Variants in KSR2 observed in about 807,000 individuals in gnomAD.
KSR2 encodes the protein kinase suppressor of ras 2.
Under a neutral mutation model 107.8 loss-of-function variants are expected in KSR2, and 25 were observed. The ratio of observed to expected loss-of-function variants is 0.23; its 90% CI spans 0.17 to 0.32. KSR2 has a LOEUF of 0.32. Ranked by LOEUF, KSR2 falls within the 10% of genes least tolerant of loss-of-function variation. KSR2 has a pLI of 1.00. For missense variants in KSR2, 887 were observed against 1,268.9 expected (o/e 0.70, Z 4.57); for synonymous variants, 480 against 507.0 (o/e 0.95, Z 0.71).
intron 4 of KSR2, among the ~76,000 whole-genome samples, chr12:117,684,575 G>A (rs1283676852): frequency 6.6e-6 from 1 of 152,152 alleles, no homozygotes; most frequent in Non-Finnish European, 1.5e-5. Flanking sequence ...GGCATTTACT[G>A]TGTAGAGTGG....
chr12:117,911,803 G>A (rs566666708), intron 1 of KSR2, among the ~76,000 whole-genome samples: 19 of 147,420 alleles, frequency 1.3e-4, no homozygotes, highest in African/African-American at 4.0e-4. Flanking sequence ...ACTCTCAATC[G>A]CTACAGGCAT....
intron 7 of KSR2, among the ~76,000 whole-genome samples, chr12:117,572,728 A>G (rs1299349936): frequency 6.6e-6 from 1 of 151,956 alleles, no homozygotes; most frequent in Non-Finnish European, 1.5e-5. Flanking sequence ...AGAAAAGAAA[A>G]AGGAAAAAGC....
chr12:117,731,585 C>T (rs574413955), intron 4 of KSR2, among the ~76,000 whole-genome samples: 1 of 152,146 alleles, frequency 6.6e-6, no homozygotes, highest in East Asian at 1.9e-4. Flanking sequence ...GCGGTTTTGT[C>T]GAATAGAAAA....
At chr12:117,853,260 A>C (rs1892986942) in intron 3 of KSR2, among the ~76,000 whole-genome samples, 1 of 152,234 alleles carries the variant, frequency 6.6e-6, no homozygotes, top group South Asian at 2.1e-4. Flanking sequence ...AGATTGGTTG[A>C]ATAAATTGTT....
intron 5 of KSR2, among the ~76,000 whole-genome samples, chr12:117,606,195 C>T (rs1157761270): frequency 6.6e-6 from 1 of 152,098 alleles, no homozygotes; most frequent in Non-Finnish European, 1.5e-5. Context: ...CCCTGATATT[C>T]AAGCAGATAT....
intron 7 of KSR2, among the ~76,000 whole-genome samples, chr12:117,561,338 A>G (rs1165797813): frequency 6.6e-6 from 1 of 152,256 alleles, no homozygotes; most frequent in South Asian, 2.1e-4. Context: ...TAAAGACTGT[A>G]GGACACTGAA....
At chr12:117,826,666 A>G (rs1891763837) in intron 3 of KSR2, among the ~76,000 whole-genome samples, 1 of 151,618 alleles carries the variant, frequency 6.6e-6, no homozygotes, top group African/African-American at 2.4e-5. Flanking sequence ...AGATGCAGGT[A>G]TTAGCATTTA....
intron 1 of KSR2, among the ~76,000 whole-genome samples, chr12:117,950,981 T>G (rs1896348097): frequency 6.6e-6 from 1 of 151,866 alleles, no homozygotes; most frequent in African/African-American, 2.4e-5. Context: ...TGGCGCGATC[T>G]CGACTCACTG....
rs1555238943 is a variant in KSR2, at chr12:117,777,139, T to TATTATA, written c.473-15616_473-15615insTATAAT. On this transcript the variant is annotated intron_variant, in intron 3 of 19. Transcript: ENST00000339824. ...ACACACCATATATATATACACTATA[T>TATTATA]TATATATATATATATACACACCATA... is the stretch of plus-strand genomic sequence containing the variant. Among the ~76,000 whole-genome samples the TATTATA allele has an allele frequency of 9.4e-4, 129 of 136,742 alleles. 1 individual carries two copies. The highest frequency in any genetic ancestry group is 3.1e-3 in the African/African-American group (108 of 35,230). 89.7% of individuals were successfully genotyped at this position (136,742 alleles called of 152,430 possible).
chr12:117,583,570 G>T (rs960272634), intron 5 of KSR2, among the ~76,000 whole-genome samples: 10 of 152,136 alleles, frequency 6.6e-5, no homozygotes, highest in African/African-American at 2.2e-4. Context: ...TGAGATGCCT[G>T]TCCCCATCTG....
intron 4 of KSR2, among the ~76,000 whole-genome samples, chr12:117,730,207 C>T (rs145080550): frequency 8.3e-4 from 126 of 152,202 alleles, no homozygotes; most frequent in African/African-American, 2.8e-3. Context: ...GGTAGCTTGC[C>T]GATCCCTGTG....
chr12:117,645,915 A>G (rs80308169), intron 5 of KSR2, among the ~76,000 whole-genome samples: 21 of 132,662 alleles, frequency 1.6e-4, no homozygotes, highest in African/African-American at 6.8e-4. Context: ...GTGTGTGTGT[A>G]CAGCTGTCCT....
At chr12:117,601,296 G>GGT (rs72183708) in intron 5 of KSR2, among the ~76,000 whole-genome samples, 11 of 8,236 alleles carry the variant, frequency 1.3e-3, no homozygotes, top group African/African-American at 4.0e-3. Context: ...CCAAGATCTT[G>GGT]GGGGGGGGGG....
At position 117,667,503 on chromosome 12, in the gene KSR2, G is replaced by A. The variant is rs1190818425; in HGVS notation, c.1142C>T (p.Pro381Leu). ...AGAGAAGTTGGCCTCAGTGTGAACA[G>A]GAGGGGTGGAAGGCAGGAAAGGTGC... is the stretch of plus-strand genomic sequence containing the variant. ...GHAPFLPSTPPVHTEANFSAN... is the reference protein window; with the variant it reads ...GHAPFLPSTPLVHTEANFSAN... The change falls in exon 5 of 20, where the codon CCT (proline) becomes CTT (leucine). Residue 381 changes from proline (P) to leucine (L), a missense_variant. By Grantham distance (98) the Pro-to-Leu change is moderately conservative (BLOSUM62 -3). This residue lies in a region of KSR2 where 399 missense variants were observed against 479.5 expected (regional missense o/e 0.83). Coordinates refer to ENST00000339824, the MANE Select transcript of KSR2 (RefSeq NM_173598.6). The A allele has an allele frequency of 1.2e-6, 2 of 1,612,232 alleles. No individual in the cohort carries two copies. Among genetic ancestry groups the A allele is most frequent in the South Asian group, 2.2e-5 (2 of 90,580 alleles).
chr12:117,864,984 C>G (rs1893423848), intron 1 of KSR2, among the ~76,000 whole-genome samples: 1 of 151,988 alleles, frequency 6.6e-6, no homozygotes, highest in African/African-American at 2.4e-5. Flanking sequence ...CTGACCACCC[C>G]CGTCTGACCA....
chr12:117,750,431 C>T (rs1164936773), intron 4 of KSR2, among the ~76,000 whole-genome samples: 1 of 151,912 alleles, frequency 6.6e-6, no homozygotes, highest in Non-Finnish European at 1.5e-5. Context: ...CAAAATAAGA[C>T]ATTCAACATG....
At chr12:117,649,779 G>A (rs1883808415) in intron 5 of KSR2, among the ~76,000 whole-genome samples, 1 of 152,046 alleles carries the variant, frequency 6.6e-6, no homozygotes, top group Non-Finnish European at 1.5e-5. Context: ...GGGGATGGGA[G>A]AAAAAAGAAA....
rs1165019352 is a variant in KSR2, at chr12:117,897,043, G to A, written c.181-36612C>T. On this transcript the variant is annotated intron_variant, in intron 1 of 19. Coordinates refer to ENST00000339824, the MANE Select transcript of KSR2 (RefSeq NM_173598.6). The surrounding 1 kb of genome is among the most constrained non-coding windows in gnomAD (Gnocchi z 4.5). ...GATACTTCATCTGCCTAACCAGGAG[G>A]TGTTAGAGTGAAGAGGTTTCTTCCT... Among the ~76,000 whole-genome samples, 1 of 152,172 alleles carries A rather than the reference G, an allele frequency of 6.6e-6. No homozygotes were observed. The highest frequency in any genetic ancestry group is 1.5e-5 in the Non-Finnish European group (1 of 68,040).
intron 1 of KSR2, among the ~76,000 whole-genome samples, chr12:117,925,056 T>G (rs1281510902): frequency 6.6e-6 from 1 of 151,994 alleles, no homozygotes; most frequent in African/African-American, 2.4e-5. Flanking sequence ...TGAAACAAGA[T>G]TGGCAAGACG....
Sources: allele counts gnomAD v4.1 joint callset (sites outside exome capture counted in the v4.1 genomes callset), GRCh38; gene constraint gnomAD v4.1.1; regional missense constraint gnomAD v4.1.1; non-coding constraint Gnocchi (gnomAD v3.1); transcripts MANE v1.5; gene names NCBI Gene and HGNC (gene_info 2026-07-23, HGNC 2026-07-21).